LMNTD1: variants seen among roughly 807,000 people sequenced by gnomAD.
LMNTD1 encodes lamin tail domain containing 1, also known as lamin tail domain-containing protein 1.
In LMNTD1, 35 loss-of-function variants were observed where a neutral mutation model predicts 50.9. The observed-to-expected ratio is 0.69, with a 90% CI of 0.53 to 0.91. The LOEUF is 0.91. Among genes scored for constraint, LMNTD1 ranks in the 40% least tolerant of loss-of-function variants. LMNTD1 has a pLI of 0.00. For synonymous variants in LMNTD1, 153 were observed against 161.9 expected, an observed-to-expected ratio of 0.94 and a Z score of 0.42; for missense variants, 470 against 475.5, an observed-to-expected ratio of 0.99 and a Z score of 0.11.
intron 1 of LMNTD1, among the ~76,000 whole-genome samples, chr12:25,624,819 A>G (rs1445746204): frequency 6.6e-6 from 1 of 152,234 alleles, no homozygotes; most frequent in African/African-American, 2.4e-5. Context: ...CCAGGCCACA[A>G]AATCACTTCT....
chr12:25,566,678 T>C lies in LMNTD1; in HGVS notation c.59-20124A>G, dbSNP rs575220562. 2.0e-5 allele frequency among the ~76,000 whole-genome samples: 3 copies of C among 152,330 alleles called. No homozygotes were observed. The South Asian group carries it at 6.2e-4, about 32-fold the overall frequency. ...GGCAGGGAGAGGCCTCAACCCTGTC[T>C]TTTCTTCCTCCCTGGTAACCATGCA... is the stretch of plus-strand genomic sequence containing the variant. On this transcript the variant is annotated intron_variant, in intron 1 of 7. Transcript: ENST00000445693.
chr12:25,506,878 A>C (rs1185486504), intron 8 of LMNTD1, among the ~76,000 whole-genome samples: 2 of 151,532 alleles, frequency 1.3e-5, no homozygotes, highest in Admixed American at 6.6e-5. Context: ...GCATTATCTT[A>C]TTTATTTATT....
chr12:25,556,727 T>C (rs1944059639), upstream of LMNTD1, among the ~76,000 whole-genome samples: 1 of 152,190 alleles, frequency 6.6e-6, no homozygotes, highest in African/African-American at 2.4e-5. Context: ...TGTTGTGAGA[T>C]TTCTACCTTA....
chr12:25,571,661 C>G (rs1944804430), intron 1 of LMNTD1, among the ~76,000 whole-genome samples: 2 of 151,358 alleles, frequency 1.3e-5, no homozygotes, highest in South Asian at 4.2e-4. Context: ...CCATTCCCAA[C>G]CTTTTCAAAA....
chr12:25,534,087 T>C (rs752383745), intron 4 of LMNTD1, among the ~76,000 whole-genome samples: 2 of 152,220 alleles, frequency 1.3e-5, no homozygotes, highest in Non-Finnish European at 2.9e-5. Context: ...TTGGATATAG[T>C]GTAACTAGTG....
At chr12:25,597,835 A>G (rs953054327) in intron 1 of LMNTD1, among the ~76,000 whole-genome samples, 1 of 152,138 alleles carries the variant, frequency 6.6e-6, no homozygotes, top group African/African-American at 2.4e-5. Flanking sequence ...ATACATTAAT[A>G]AGAGAAATTT....
At chr12:25,522,939 G>A (rs564732290) in intron 6 of LMNTD1, among the ~76,000 whole-genome samples, 4 of 152,294 alleles carry the variant, frequency 2.6e-5, no homozygotes, top group East Asian at 1.9e-4. Context: ...TAGCTGTATC[G>A]AATATTAACC....
chr12:25,626,201 T>C (rs1946585159), intron 1 of LMNTD1, among the ~76,000 whole-genome samples: 1 of 152,172 alleles, frequency 6.6e-6, no homozygotes, highest in South Asian at 2.1e-4. Flanking sequence ...AATTCCTTTT[T>C]AAAAAATTTA....
At chr12:25,611,510 A>C (rs1463956368) in intron 1 of LMNTD1, among the ~76,000 whole-genome samples, 1 of 152,226 alleles carries the variant, frequency 6.6e-6, no homozygotes, top group Non-Finnish European at 1.5e-5. Flanking sequence ...CAGATGGTTA[A>C]GTTTAATCCC....
intron 4 of LMNTD1, among the ~76,000 whole-genome samples, chr12:25,536,632 G>C (rs747321105): frequency 1.3e-5 from 2 of 151,410 alleles, no homozygotes; most frequent in Non-Finnish European, 2.9e-5. Context: ...AGTATCAAAA[G>C]AGAAGAAGGT....
At chr12:25,542,610 T>C (rs1475398737) in intron 4 of LMNTD1, among the ~76,000 whole-genome samples, 3 of 150,666 alleles carry the variant, frequency 2.0e-5, no homozygotes, top group African/African-American at 7.3e-5. Flanking sequence ...CTGGGAGATA[T>C]ACCTAATGCT....
Position 25,518,923 on chromosome 12 carries a change from C to T in LMNTD1, c.1061G>A (p.Trp354Ter). ...TGCAGAGACATAGGGATTCTGGCAC[C>T]AAGGGCTGCGATTAGGGAAAACGGT... Reference protein sequence around the residue: ...PPTVFPNRSPWCQNPYVSAHP... With the variant: ...PPTVFPNRSP Residue 354 changes from tryptophan to a stop codon, truncating the protein, a stop_gained, in exon 8 of 10, where the codon TGG (tryptophan) becomes TAG (stop). Coordinates refer to ENST00000458174, the MANE Select transcript of LMNTD1 (RefSeq NM_001145728.2). LOFTEE classifies it high-confidence loss of function. 2 of 1,614,066 alleles carry T rather than the reference C, an allele frequency of 1.2e-6. No individual in the cohort carries two copies. Among genetic ancestry groups the T allele is most frequent in the East Asian group, 2.2e-5 (1 of 44,882 alleles).
intron 1 of LMNTD1, among the ~76,000 whole-genome samples, chr12:25,599,970 C>T (rs1945924840): frequency 6.6e-6 from 1 of 151,726 alleles, no homozygotes; most frequent in African/African-American, 2.4e-5. Flanking sequence ...TATGGAACCA[C>T]AAAAGACCCT....
At chr12:25,543,604 T>G (rs1261734026) in intron 4 of LMNTD1, among the ~76,000 whole-genome samples, 3 of 151,922 alleles carry the variant, frequency 2.0e-5, no homozygotes, top group African/African-American at 7.2e-5. Flanking sequence ...TGATCTTTAT[T>G]GTTTCTTTTC....
At chr12:25,489,601 G>C (rs186179077) in intron 9 of LMNTD1, among the ~76,000 whole-genome samples, 1 of 151,496 alleles carries the variant, frequency 6.6e-6, no homozygotes, top group Non-Finnish European at 1.5e-5. Context: ...CGTCGCTCAC[G>C]CTGGGAGCTG....
chr12:25,627,940 T>A lies in LMNTD1; in HGVS notation c.58+20554A>T, dbSNP rs11048132. Among the ~76,000 whole-genome samples the A allele has an allele frequency of 2.1e-3, 312 of 151,062 alleles. 7 individuals carry two copies. The East Asian group carries it at 0.054, about 26-fold the overall frequency. On this transcript the variant is annotated intron_variant, in intron 1 of 7. Transcript: ENST00000445693. Reference sequence around the variant, plus strand: ...CTGGCTAACACGGTGAAACCCCGTCTCTACTAAAAATACAAAAATTAGCCG... The same window carrying A: ...CTGGCTAACACGGTGAAACCCCGTCACTACTAAAAATACAAAAATTAGCCG...
chr12:25,591,445 G>A (rs570768954), intron 1 of LMNTD1, among the ~76,000 whole-genome samples: 1 of 152,262 alleles, frequency 6.6e-6, no homozygotes, highest in African/African-American at 2.4e-5. Flanking sequence ...TGGAAGAGGG[G>A]GAAGGACTGT....
intron 1 of LMNTD1, among the ~76,000 whole-genome samples, chr12:25,621,835 C>T (rs1009748038): frequency 3.3e-5 from 5 of 152,152 alleles, no homozygotes; most frequent in East Asian, 3.9e-4. Context: ...AGAAGTGGGC[C>T]GTGGAGAAGA....
intron 1 of LMNTD1, among the ~76,000 whole-genome samples, chr12:25,604,969 G>A (rs1330583277): frequency 6.6e-6 from 1 of 152,160 alleles, no homozygotes. Flanking sequence ...CACCAACAGT[G>A]TAAAAGTGTT....
Sources: allele counts gnomAD v4.1 joint callset (sites outside exome capture counted in the v4.1 genomes callset), GRCh38; gene constraint gnomAD v4.1.1; transcripts MANE v1.5; gene names NCBI Gene and HGNC (gene_info 2026-07-23, HGNC 2026-07-21).